The following DRC11 variants were observed in gnomAD, a reference collection of about 807,000 sequenced individuals.
The protein encoded by DRC11 is dynein regulatory complex subunit 11.
chr2:236,459,829 CG>C, the DRC11 span, among the ~76,000 whole-genome samples: 52 of 151,536 alleles, frequency 3.4e-4, no homozygotes, highest in Non-Finnish European at 5.7e-4. Context: ...TGTTCTACAA[CG>C]AACATTACTT....
At chr2:236,332,816 G>C in the DRC11 span, 1 of 152,214 alleles carries the variant, frequency 6.6e-6, no homozygotes, top group African/African-American at 2.4e-5. The surrounding 1 kb of genome is among the most constrained non-coding windows in gnomAD (Gnocchi z 5.1). Context: ...GGGGGTCCTT[G>C]GCCCTGTGGG....
chr2:236,409,465 T>C, the DRC11 span, among the ~76,000 whole-genome samples: 1 of 152,302 alleles, frequency 6.6e-6, no homozygotes, highest in African/African-American at 2.4e-5. Context: ...TTTTGTATCC[T>C]GAGACTTTGC....
chr2:236,398,699 G>A, the DRC11 span, among the ~76,000 whole-genome samples: 319 of 152,230 alleles, frequency 2.1e-3, 1 homozygote, highest in Non-Finnish European at 3.5e-3. The surrounding 1 kb of genome is among the most constrained non-coding windows in gnomAD (Gnocchi z 6.2). Context: ...CTACACTTGC[G>A]GATCCAGCCA....
At chr2:236,503,522 C>A in the DRC11 span, 1 of 1,103,908 alleles carries the variant, frequency 9.1e-7, no homozygotes, top group Non-Finnish European at 1.3e-6. This position sits in a 1 kb window ranked among gnomAD's most constrained non-coding sequence, Gnocchi z 4.9. Context: ...TCTTTCTTCC[C>A]CAACTGCAGT....
At chr2:236,357,906 AATATAC>A in the DRC11 span, among the ~76,000 whole-genome samples, 670 of 123,450 alleles carry the variant, frequency 5.4e-3, 6 homozygotes, top group African/African-American at 0.02. Context: ...ATAATATATA[AATATAC>A]ATATACTATA....
chr2:236,347,508 C>CCATATATATATATATATATA, the DRC11 span, among the ~76,000 whole-genome samples: 6 of 107,484 alleles, frequency 5.6e-5, no homozygotes, highest in Non-Finnish European at 1.1e-4. Flanking sequence ...AAAAACTGTG[C>CCATATATATATATATATATA]TATATATATA....
the DRC11 span, among the ~76,000 whole-genome samples, chr2:236,432,379 T>C: frequency 6.6e-6 from 1 of 152,212 alleles, no homozygotes; most frequent in Non-Finnish European, 1.5e-5. Flanking sequence ...ACTTGTATCT[T>C]CATTTTCTTA....
chr2:236,451,844 G>C, the DRC11 span, among the ~76,000 whole-genome samples: 7 of 152,302 alleles, frequency 4.6e-5, no homozygotes, highest in Admixed American at 3.3e-4. Context: ...GCAAATCATC[G>C]TATCACAGTG....
At chr2:236,341,995 C>T in the DRC11 span, among the ~76,000 whole-genome samples, 7 of 152,320 alleles carry the variant, frequency 4.6e-5, no homozygotes, top group South Asian at 6.2e-4. Context: ...AGTGTCCCTG[C>T]GCCCGGGAAG....
chr2:236,506,420 C>G, the DRC11 span, among the ~76,000 whole-genome samples: 12,248 of 152,232 alleles, frequency 0.08, 1,240 homozygotes, highest in African/African-American at 0.24. The surrounding 1 kb of genome is among the most constrained non-coding windows in gnomAD (Gnocchi z 4.9). Context: ...CAACTCAATA[C>G]GTCTTAAACA....
the DRC11 span, among the ~76,000 whole-genome samples, chr2:236,444,926 G>C: frequency 6.6e-6 from 1 of 152,172 alleles, no homozygotes; most frequent in South Asian, 2.1e-4. Context: ...GTGGATATTG[G>C]GCCCCAGGTG....
the DRC11 span, among the ~76,000 whole-genome samples, chr2:236,448,854 GTTTTTTA>G: frequency 2.0e-5 from 3 of 151,920 alleles, no homozygotes; most frequent in South Asian, 2.1e-4. This position sits in a 1 kb window ranked among gnomAD's most constrained non-coding sequence, Gnocchi z 5.3. Context: ...GGCGCTGTTA[GTTTTTTA>G]TTTTTTATTT....
the DRC11 span, among the ~76,000 whole-genome samples, chr2:236,339,063 G>A: frequency 5.3e-5 from 8 of 152,264 alleles, no homozygotes; most frequent in East Asian, 5.8e-4. Flanking sequence ...AGAGGAAGCC[G>A]GGGAAGGAGA....
chr2:236,394,065 A>C, the DRC11 span, among the ~76,000 whole-genome samples: 11 of 152,276 alleles, frequency 7.2e-5, no homozygotes, highest in East Asian at 2.1e-3. This position sits in a 1 kb window ranked among gnomAD's most constrained non-coding sequence, Gnocchi z 7.0. Flanking sequence ...GTTTAGCCCC[A>C]AATAGTTGCT....
At chr2:236,355,937 C>T in the DRC11 span, among the ~76,000 whole-genome samples, 1 of 152,132 alleles carries the variant, frequency 6.6e-6, no homozygotes, top group Non-Finnish European at 1.5e-5. Flanking sequence ...CACATCTGGG[C>T]AAGAGCCCTT....
the DRC11 span, among the ~76,000 whole-genome samples, chr2:236,404,823 T>C: frequency 6.6e-6 from 1 of 152,232 alleles, no homozygotes; most frequent in Non-Finnish European, 1.5e-5. Context: ...AAGTGCCTTA[T>C]AAACAAAAGA....
chr2:236,354,893 C>G, the DRC11 span, among the ~76,000 whole-genome samples: 3 of 152,224 alleles, frequency 2.0e-5, no homozygotes, highest in Non-Finnish European at 4.4e-5. Context: ...GCCTGGCTCT[C>G]TTGTTGCCTT....
chr2:236,478,805 T>C, the DRC11 span, among the ~76,000 whole-genome samples: 2 of 151,982 alleles, frequency 1.3e-5, no homozygotes, highest in Admixed American at 1.3e-4. The surrounding 1 kb of genome is among the most constrained non-coding windows in gnomAD (Gnocchi z 5.9). Context: ...GGGTTCTTTT[T>C]TTTTTACAAT....
the DRC11 span, among the ~76,000 whole-genome samples, chr2:236,475,163 C>T: frequency 1.8e-3 from 279 of 152,202 alleles, 2 homozygotes; most frequent in Non-Finnish European, 2.6e-3. The surrounding 1 kb of genome is among the most constrained non-coding windows in gnomAD (Gnocchi z 4.8). Context: ...TGGTAACCAC[C>T]AATCTATTCT....
Sources: gnomAD v4.1 joint callset for allele counts (sites outside exome capture counted in the v4.1 genomes callset) on GRCh38, gnomAD v4.1.1 for gene constraint, Gnocchi (gnomAD v3.1) non-coding constraint, MANE v1.5 for transcripts, NCBI Gene and HGNC (gene_info 2026-07-23, HGNC 2026-07-21) for gene names.